Variants in GFRA2 observed in about 807,000 individuals in gnomAD.
GFRA2 encodes GDNF family receptor alpha-2.
In GFRA2, 17 loss-of-function variants were observed where a neutral mutation model predicts 48.3. The observed-to-expected ratio is 0.35, with a 90% CI of 0.24 to 0.53. The LOEUF is 0.53. Among genes scored for constraint, GFRA2 ranks in the 20% least tolerant of loss-of-function variants. The pLI is 0.93. For missense variants in GFRA2, 660 were observed against 637.3 expected (o/e 1.04, Z -0.38); for synonymous variants, 305 against 257.2 (o/e 1.19, Z -1.78).
At chr8:21,806,351 T>C (rs1401020302) in intron 1 of GFRA2, among the ~76,000 whole-genome samples, 1 of 152,236 alleles carries the variant, frequency 6.6e-6, no homozygotes, top group East Asian at 1.9e-4. Context: ...TTCAACACTT[T>C]GTTATAAAAT....
At chr8:21,728,391 T>C (rs1803999586) in intron 4 of GFRA2, among the ~76,000 whole-genome samples, 1 of 149,604 alleles carries the variant, frequency 6.7e-6, no homozygotes. Flanking sequence ...TCTCCTGCCT[T>C]AGCCTCCCAA....
chr8:21,721,803 C>T (rs961481350), intron 4 of GFRA2, among the ~76,000 whole-genome samples: 2 of 152,018 alleles, frequency 1.3e-5, no homozygotes, highest in African/African-American at 4.8e-5. Context: ...CATCCCAGAC[C>T]CACCAGGAAG....
chr8:21,703,553 C>T (rs1802589422), intron 6 of GFRA2, among the ~76,000 whole-genome samples: 1 of 152,200 alleles, frequency 6.6e-6, no homozygotes, highest in Non-Finnish European at 1.5e-5. Flanking sequence ...ACATCTCAAA[C>T]TCGTTATGTC....
chr8:21,787,914 C>A (rs1807363450), intron 1 of GFRA2, among the ~76,000 whole-genome samples: 4 of 152,108 alleles, frequency 2.6e-5, no homozygotes, highest in African/African-American at 9.7e-5. Context: ...TCCCGATCCC[C>A]CTGCGTCGCC....
At chr8:21,782,439 G>A (rs1339745719) in intron 2 of GFRA2, 146 bp downstream of exon 2, 3 of 655,296 alleles carry the variant, frequency 4.6e-6, no homozygotes, top group Non-Finnish European at 7.8e-6. Context: ...ACTTCTCTGG[G>A]TTCTAGGTTC....
At chr8:21,755,932 G>A (rs1805545708) in intron 3 of GFRA2, among the ~76,000 whole-genome samples, 1 of 152,214 alleles carries the variant, frequency 6.6e-6, no homozygotes, top group Non-Finnish European at 1.5e-5. Flanking sequence ...TCAACACAAG[G>A]GCTATTGTGG....
At chr8:21,808,834 G>C (rs927799817) in intron 1 of GFRA2, among the ~76,000 whole-genome samples, 1 of 152,254 alleles carries the variant, frequency 6.6e-6, no homozygotes, top group Non-Finnish European at 1.5e-5. Context: ...AATTGAAAAT[G>C]AGTCTGGAAA....
intron 4 of GFRA2, among the ~76,000 whole-genome samples, chr8:21,711,752 G>A (rs1476984967): frequency 1.4e-5 from 2 of 147,338 alleles, no homozygotes; most frequent in Non-Finnish European, 3.0e-5. Context: ...AGGGTCATAA[G>A]ACAATAGTGG....
At position 21,750,842 on chromosome 8, in the gene GFRA2, G is replaced by A; in HGVS notation, c.540C>T (p.Ser180=). The A allele has an allele frequency of 1.2e-6, 2 of 1,613,986 alleles. No individual in the cohort carries two copies. The highest frequency in any genetic ancestry group is 1.7e-6 in the Non-Finnish European group (2 of 1,179,882). The change falls in exon 4 of 9, where the codon TCC becomes TCT. Residue 180 remains serine, a synonymous_variant. Coordinates refer to ENST00000524240, the MANE Select transcript of GFRA2 (RefSeq NM_001495.5). The surrounding 1 kb of genome is among the most constrained non-coding windows in gnomAD (Gnocchi z 5.7). ...TCTCGCGGTTGCAGATGGAGATGTA[G>A]GAGGAGCGCAGCTTCTTGCAGTTGT... ...LNDNCKKLRS[S]YISICNREIS...
chr8:21,706,091 T>C (rs1802731563), intron 4 of GFRA2, 50 bp from the exon 5 acceptor site: 3 of 1,223,686 alleles, frequency 2.5e-6, no homozygotes, highest in Non-Finnish European at 2.3e-6. Context: ...TCAGTCTAGC[T>C]GCCTTCTGTC....
At chr8:21,743,244 T>TC (rs1467538719) in intron 4 of GFRA2, among the ~76,000 whole-genome samples, 2 of 151,922 alleles carry the variant, frequency 1.3e-5, no homozygotes, top group Non-Finnish European at 2.9e-5. Flanking sequence ...GGTGGCCTTT[T>TC]CCCCCCGACA....
At chr8:21,788,984 C>T (rs2117097130), upstream of GFRA2, 1 of 218,036 alleles carries the variant, frequency 4.6e-6, no homozygotes, top group East Asian at 1.9e-4. Context: ...GCCAGCGCCC[C>T]TCTCCTCCGC....
upstream of GFRA2, among the ~76,000 whole-genome samples, chr8:21,790,309 C>T (rs1366756564): frequency 2.0e-5 from 3 of 152,234 alleles, no homozygotes; most frequent in African/African-American, 4.8e-5. Flanking sequence ...GGGTGGGGTA[C>T]ACGCAGCGCC....
chr8:21,738,065 G>C (rs1476288836), intron 4 of GFRA2, among the ~76,000 whole-genome samples: 1 of 151,776 alleles, frequency 6.6e-6, no homozygotes, highest in Non-Finnish European at 1.5e-5. Flanking sequence ...ATTTCCTCTT[G>C]CATGTTCCAA....
intron 2 of GFRA2, among the ~76,000 whole-genome samples, chr8:21,799,010 C>A (rs1807724674): frequency 1.3e-5 from 2 of 152,158 alleles, no homozygotes; most frequent in South Asian, 4.1e-4. Flanking sequence ...TGATAACTGC[C>A]CAATGAGTGT....
intron 1 of GFRA2, among the ~76,000 whole-genome samples, chr8:21,811,360 G>T (rs186166806): frequency 4.3e-4 from 66 of 152,290 alleles, no homozygotes; most frequent in African/African-American, 1.6e-3. Flanking sequence ...CCAAGCAGGA[G>T]ATCCTAACAT....
At chr8:21,776,787 G>A (rs1384273310) in intron 2 of GFRA2, among the ~76,000 whole-genome samples, 15 of 151,904 alleles carry the variant, frequency 9.9e-5, no homozygotes, top group African/African-American at 1.5e-4. Flanking sequence ...CATTATTTAC[G>A]GCCCATATCT....
chr8:21,731,568 G>A (rs1804196025), intron 4 of GFRA2, among the ~76,000 whole-genome samples: 1 of 152,132 alleles, frequency 6.6e-6, no homozygotes, highest in Non-Finnish European at 1.5e-5. Flanking sequence ...GAAGTCCCCT[G>A]AACAGACAGT....
At chr8:21,771,966 CACA>C (rs1313427991) in intron 3 of GFRA2, among the ~76,000 whole-genome samples, 3 of 152,166 alleles carry the variant, frequency 2.0e-5, no homozygotes, top group South Asian at 2.1e-4. Context: ...TTGGGATACT[CACA>C]ACAAGACTTT....
Sources: allele counts gnomAD v4.1 joint callset (sites outside exome capture counted in the v4.1 genomes callset), GRCh38; gene constraint gnomAD v4.1.1; non-coding constraint Gnocchi (gnomAD v3.1); transcripts MANE v1.5; gene names NCBI Gene and HGNC (gene_info 2026-07-23, HGNC 2026-07-21).